The following PTPRD variants were observed in gnomAD, a reference collection of about 807,000 sequenced individuals.
The protein encoded by PTPRD is protein tyrosine phosphatase receptor type D.
Under a neutral mutation model 214.5 loss-of-function variants are expected in PTPRD, and 34 were observed. That is an observed-to-expected ratio of 0.16 (90% CI 0.12 to 0.21). The LOEUF (loss-of-function observed/expected upper bound fraction) is 0.21. Ranked by LOEUF, PTPRD falls within the 10% of genes least tolerant of loss-of-function variation. PTPRD has a pLI of 1.00. For synonymous variants in PTPRD, 1,128 were observed against 845.7 expected, an observed-to-expected ratio of 1.33 and a Z score of -5.79; for missense variants, 2,545 against 2,398.7, an observed-to-expected ratio of 1.06 and a Z score of -1.27.
chr9:8,740,023 T>A (rs532726690), intron 11 of PTPRD, among the ~76,000 whole-genome samples: 1 of 152,266 alleles, frequency 6.6e-6, no homozygotes, highest in East Asian at 1.9e-4. Context: ...TATGTCTTTA[T>A]CAACAGTGTG....
intron 8 of PTPRD, among the ~76,000 whole-genome samples, chr9:9,574,366 T>C: frequency 6.6e-6 from 1 of 151,972 alleles, no homozygotes. Flanking sequence ...TCTTGACAGG[T>C]GATAAAATAA....
intron 7 of PTPRD, among the ~76,000 whole-genome samples, chr9:9,692,176 A>G (rs2803369): frequency 0.63 from 94,891 of 151,146 alleles, 30,044 homozygotes; most frequent in South Asian, 0.66. Flanking sequence ...TGCTTGTGGG[A>G]TATTCATGAA....
chr9:9,279,842 T>C (rs1381456661), intron 9 of PTPRD, among the ~76,000 whole-genome samples: 1 of 151,248 alleles, frequency 6.6e-6, no homozygotes, highest in Non-Finnish European at 1.5e-5. Flanking sequence ...AAAACTATGG[T>C]CATACTTATA....
chr9:8,634,616 C>T (rs1048014174), intron 13 of PTPRD, among the ~76,000 whole-genome samples: 7 of 151,964 alleles, frequency 4.6e-5, no homozygotes, highest in African/African-American at 1.7e-4. Flanking sequence ...CTCTATAAAG[C>T]ATACACTTTA....
intron 14 of PTPRD, among the ~76,000 whole-genome samples, chr9:8,562,190 A>G (rs936487644): frequency 3.3e-5 from 5 of 152,272 alleles, no homozygotes; most frequent in African/African-American, 9.6e-5. Flanking sequence ...TCAATAAGCT[A>G]TAAGGTGGAT....
At chr9:9,487,879 G>C (rs1589684026) in intron 8 of PTPRD, among the ~76,000 whole-genome samples, 2 of 152,106 alleles carry the variant, frequency 1.3e-5, no homozygotes, top group South Asian at 4.1e-4. Context: ...CACAGAATCT[G>C]ACAGAAGTGA....
intron 12 of PTPRD, among the ~76,000 whole-genome samples, chr9:8,642,604 T>A (rs1386886462): frequency 6.6e-6 from 1 of 152,118 alleles, no homozygotes; most frequent in Admixed American, 6.6e-5. Flanking sequence ...GAAGGAGAGC[T>A]CAGGAACAGG....
intron 2 of PTPRD, among the ~76,000 whole-genome samples, chr9:10,453,108 T>G (rs561635258): frequency 6.6e-6 from 1 of 151,870 alleles, no homozygotes; most frequent in Admixed American, 6.6e-5. Flanking sequence ...TTTAAGCTCT[T>G]GTCAAGGATT....
At chr9:8,405,894 CT>C (rs1249290719) in intron 35 of PTPRD, among the ~76,000 whole-genome samples, 1 of 152,092 alleles carries the variant, frequency 6.6e-6, no homozygotes, top group Non-Finnish European at 1.5e-5. Context: ...TGCACACTTT[CT>C]GTCAAAAGGC....
intron 6 of PTPRD, among the ~76,000 whole-genome samples, chr9:9,750,420 T>A (rs1243872516): frequency 2.0e-5 from 3 of 152,186 alleles, no homozygotes; most frequent in Non-Finnish European, 2.9e-5. Flanking sequence ...CAAACCATGA[T>A]GCCTCTACCC....
chr9:9,906,098 C>T (rs562476437), intron 5 of PTPRD, among the ~76,000 whole-genome samples: 2 of 152,024 alleles, frequency 1.3e-5, no homozygotes, highest in African/African-American at 4.8e-5. Context: ...AGGCAAACTC[C>T]TGGAGTTTTG....
intron 2 of PTPRD, among the ~76,000 whole-genome samples, chr9:10,466,152 T>A (rs1188301327): frequency 6.6e-6 from 1 of 152,064 alleles, no homozygotes; most frequent in Admixed American, 6.6e-5. Context: ...CCTCCAACAA[T>A]CAGATGAGGT....
intron 3 of PTPRD, among the ~76,000 whole-genome samples, chr9:10,312,812 T>C (rs1296617781): frequency 6.6e-6 from 1 of 151,376 alleles, no homozygotes; most frequent in African/African-American, 2.4e-5. Context: ...AATTTTGTTG[T>C]ATTTGTGCTA....
chr9:9,572,360 C>A (rs1018590120), intron 8 of PTPRD, among the ~76,000 whole-genome samples: 14 of 150,922 alleles, frequency 9.3e-5, no homozygotes, highest in African/African-American at 3.1e-4. Context: ...GAATGTTAGT[C>A]GAAGAATATA....
chr9:9,488,395 G>A lies in PTPRD; in HGVS notation c.-237+86337C>T, dbSNP rs10116180. ...TTTGATGCCATACTTTCCAGTATAC[G>A]CCAAGACCTGCTGCCTCTACCTTGG... is the stretch of plus-strand genomic sequence containing the variant. On this transcript the variant is annotated intron_variant, in intron 8 of 45. Coordinates refer to ENST00000381196, the MANE Select transcript of PTPRD (RefSeq NM_002839.4). Among the ~76,000 whole-genome samples the A allele has an allele frequency of 1.2e-3, 186 of 152,056 alleles. 1 individual carries two copies. The highest frequency in any genetic ancestry group is 3.7e-3 in the African/African-American group (153 of 41,464).
At chr9:9,440,880 G>A (rs1335564593) in intron 8 of PTPRD, among the ~76,000 whole-genome samples, 6 of 152,090 alleles carry the variant, frequency 3.9e-5, no homozygotes, top group South Asian at 4.1e-4. Context: ...TTTAGAATGC[G>A]GAATATTTAT....
At chr9:8,449,908 G>C in intron 33 of PTPRD, 71 bp from the exon 34 acceptor site, 1 of 1,416,726 alleles carries the variant, frequency 7.1e-7, no homozygotes, top group East Asian at 2.3e-5. Flanking sequence ...GCAGAGAATT[G>C]CACCTGCACT....
At chr9:8,358,527 C>A (rs780065367) in intron 39 of PTPRD, among the ~76,000 whole-genome samples, 2 of 152,112 alleles carry the variant, frequency 1.3e-5, no homozygotes, top group African/African-American at 2.4e-5. Context: ...TTTATTTATT[C>A]TTCCAGAGCC....
In PTPRD at chr9:9,613,122, G is replaced by GTA. The variant is rs1331223781; in HGVS notation, c.-286-38343_-286-38342dup. ...CCATACATATAATAGCTAGGCTGCAGTATACATACATACATATATATATAT... is the reference window on the plus strand; with the variant it reads ...CCATACATATAATAGCTAGGCTGCAGTATATACATACATACATATATATATAT... On this transcript the variant is annotated intron_variant, in intron 7 of 45. Transcript: ENST00000381196. Among the ~76,000 whole-genome samples the GTA allele has an allele frequency of 4.2e-3, 284 of 68,116 alleles. 11 individuals carry two copies. The highest frequency in any genetic ancestry group is 0.024 in the African/African-American group (279 of 11,714). The allele number at this position is 68,116 out of a possible 152,430, so 44.7% of individuals were successfully genotyped here.
Sources: gnomAD v4.1 joint callset for allele counts (sites outside exome capture counted in the v4.1 genomes callset) on GRCh38, gnomAD v4.1.1 for gene constraint, MANE v1.5 for transcripts, NCBI Gene and HGNC (gene_info 2026-07-23, HGNC 2026-07-21) for gene names.